PEPD: variants seen among roughly 807,000 people sequenced by gnomAD.
The protein encoded by PEPD is xaa-Pro dipeptidase.
In PEPD, 53 loss-of-function variants were observed where a neutral mutation model predicts 60.7. That is an observed-to-expected ratio of 0.87 (90% CI 0.70 to 1.10). PEPD has a LOEUF of 1.10. Ranked by LOEUF, PEPD falls within the 50% of genes least tolerant of loss-of-function variation. The pLI is 0.00. For missense variants in PEPD, 711 were observed against 711.9 expected (o/e 1.00, Z 0.01); for synonymous variants, 267 against 284.1 (o/e 0.94, Z 0.60).
intron 9 of PEPD, among the ~76,000 whole-genome samples, chr19:33,422,818 A>ATATC (rs201899160): frequency 3.3e-4 from 43 of 131,208 alleles, no homozygotes; most frequent in African/African-American, 8.7e-4. Context: ...CCATCCTTCT[A>ATATC]TATCTATCTA....
At chr19:33,508,463 G>A (rs901779069) in intron 3 of PEPD, among the ~76,000 whole-genome samples, 1 of 152,240 alleles carries the variant, frequency 6.6e-6, no homozygotes, top group Non-Finnish European at 1.5e-5. Flanking sequence ...TTAGTGGAGT[G>A]CAAAACCACC....
chr19:33,499,897 G>A (rs1970677077), intron 4 of PEPD, among the ~76,000 whole-genome samples: 2 of 152,216 alleles, frequency 1.3e-5, no homozygotes, highest in Admixed American at 1.3e-4. Flanking sequence ...GTCTCTCACA[G>A]CACTGTGTCT....
intron 1 of PEPD, among the ~76,000 whole-genome samples, chr19:33,514,051 G>A (rs1970982402): frequency 6.6e-6 from 1 of 151,890 alleles, no homozygotes. Flanking sequence ...GGACAGAGCA[G>A]GTGTCGGTAT....
At chr19:33,483,097 T>C (rs531781195) in intron 6 of PEPD, among the ~76,000 whole-genome samples, 6 of 152,286 alleles carry the variant, frequency 3.9e-5, no homozygotes, top group African/African-American at 1.4e-4. Flanking sequence ...AAAATATCCA[T>C]GGCTCAAAGA....
intron 9 of PEPD, among the ~76,000 whole-genome samples, chr19:33,453,954 T>G (rs563628963): frequency 6.6e-6 from 1 of 152,196 alleles, no homozygotes; most frequent in Non-Finnish European, 1.5e-5. Context: ...AATAAAGTAG[T>G]GTGTACTGGG....
chr19:33,414,586 C>T (rs1600096924), intron 9 of PEPD, among the ~76,000 whole-genome samples: 1 of 138,354 alleles, frequency 7.2e-6, no homozygotes, highest in African/African-American at 2.6e-5. Flanking sequence ...CAGGTGGCCC[C>T]CACCCGCCCA....
At chr19:33,392,611 C>T (rs1050539338) in intron 12 of PEPD, among the ~76,000 whole-genome samples, 5 of 152,226 alleles carry the variant, frequency 3.3e-5, no homozygotes, top group African/African-American at 1.2e-4. Flanking sequence ...GTCCCTGCGG[C>T]ACCTCCTGGA....
At chr19:33,414,535 C>T (rs1015494050) in intron 9 of PEPD, among the ~76,000 whole-genome samples, 28 of 152,174 alleles carry the variant, frequency 1.8e-4, no homozygotes, top group African/African-American at 4.6e-4. Context: ...GCTTTCCTGC[C>T]GGACCACAGC....
chr19:33,388,131 G>A lies in PEPD; in HGVS notation c.1153-50C>T, dbSNP rs373730352. On this transcript the variant is annotated intron_variant, in intron 13 of 14. Transcript: ENST00000244137. ...CTGATGAGCAGCTCCAGGGCTCACC[G>A]TGGCCTCATCAGGAGAGATGGGCAT... 2.3e-4 allele frequency: 331 copies of A among 1,462,538 alleles called. 1 individual carries two copies. Among genetic ancestry groups the A allele is most frequent in the Non-Finnish European group, 2.9e-4 (313 of 1,076,318 alleles). The allele number at this position is 1,462,538 out of a possible 1,614,324, so 90.6% of individuals were successfully genotyped here. A position where few individuals can be genotyped will look rare whatever the true frequency, so the allele number is the denominator to read the frequency against.
chr19:33,388,398 G>C (rs1211890778), intron 13 of PEPD: 4 of 552,878 alleles, frequency 7.2e-6, no homozygotes, highest in Non-Finnish European at 1.3e-5. Flanking sequence ...TGAGGGTTGG[G>C]CTGCCCTTAG....
intron 9 of PEPD, among the ~76,000 whole-genome samples, chr19:33,427,916 C>T (rs1407481686): frequency 2.7e-5 from 4 of 149,780 alleles, no homozygotes; most frequent in African/African-American, 7.4e-5. Context: ...AGCCTGCTCC[C>T]GGAGATCCGT....
At chr19:33,448,305 G>A (rs1160669286) in intron 9 of PEPD, among the ~76,000 whole-genome samples, 1 of 152,162 alleles carries the variant, frequency 6.6e-6, no homozygotes. Context: ...CCAGGACTTG[G>A]AGCCACGCCT....
Position 33,464,225 on chromosome 19 carries a change from T to C in PEPD, c.549-163A>G, listed in dbSNP as rs138251517. Among the ~76,000 whole-genome samples, 16 of 152,326 alleles carry C rather than the reference T, an allele frequency of 1.1e-4. No individual in the cohort carries two copies. In the East Asian group the frequency reaches 2.1e-3, roughly 20 times the overall value. Reference sequence around the variant, plus strand: ...CAAGGCCCAGGAGTGACAAGCTCCATGGAACAGTCTAGAAGAAAACCTCTA... The same window carrying C: ...CAAGGCCCAGGAGTGACAAGCTCCACGGAACAGTCTAGAAGAAAACCTCTA... On this transcript the variant is annotated intron_variant, in intron 7 of 14. Transcript: ENST00000244137.
At chr19:33,393,558 CA>C (rs1194016157) in intron 12 of PEPD, among the ~76,000 whole-genome samples, 13 of 66,000 alleles carry the variant, frequency 2.0e-4, no homozygotes, top group Middle Eastern at 7.9e-3. Flanking sequence ...GCTGGTCAAA[CA>C]AACAAACAGC....
chr19:33,393,232 G>A (rs1163565358), intron 12 of PEPD, among the ~76,000 whole-genome samples: 22 of 35,392 alleles, frequency 6.2e-4, no homozygotes, highest in African/African-American at 3.2e-3. Context: ...AGGCCGTCCC[G>A]GGGTCTGGGG....
Position 33,463,040 on chromosome 19 carries a change from A to G in PEPD, c.626T>C (p.Val209Ala). The change falls in exon 9 of 15, where the codon GTA becomes GCA. Residue 209 changes from valine to alanine, a missense_variant and splice_region_variant. Transcript: ENST00000244137. ...CATTCCCACTTTTACAGCCTTCATT[A>G]CCTGGAGGACGGATATTAAGCAAAG... ...NKISSEAHRE[V>A]MKAVKVGMKE... The G allele has an allele frequency of 6.3e-7, 1 of 1,577,912 alleles. No individual in the cohort carries two copies. Among genetic ancestry groups the G allele is most frequent in the Non-Finnish European group, 8.7e-7 (1 of 1,146,982 alleles).
At chr19:33,396,911 A>G (rs762805353) in intron 12 of PEPD, among the ~76,000 whole-genome samples, 8 of 152,146 alleles carry the variant, frequency 5.3e-5, no homozygotes, top group Non-Finnish European at 1.0e-4. Context: ...GTGCCAATGC[A>G]GACCCTGACT....
At position 33,463,030 on chromosome 19, in the gene PEPD, A is replaced by G. The variant is rs1246485516; in HGVS notation, c.636T>C (p.Ala212=). The change falls in exon 9 of 15, where the codon GCT becomes GCC. Residue 212 remains alanine, a synonymous_variant. Transcript: ENST00000244137. The part of the protein sequence containing the change: ...SSEAHREVMK[A]VKVGMKEYEL... ...CATATTCTTTCATTCCCACTTTTAC[A>G]GCCTTCATTACCTGGAGGACGGATA... 5.0e-6 allele frequency: 8 copies of G among 1,590,024 alleles called. No homozygotes were observed. Among genetic ancestry groups the G allele is most frequent in the Non-Finnish European group, 6.9e-6 (8 of 1,158,172 alleles).
At chr19:33,424,022 G>A (rs1178562466) in intron 9 of PEPD, among the ~76,000 whole-genome samples, 5 of 152,210 alleles carry the variant, frequency 3.3e-5, no homozygotes, top group Admixed American at 6.5e-5. Context: ...CCCCTTGTGC[G>A]CTGGCTTGGA....
Sources: allele counts gnomAD v4.1 joint callset (sites outside exome capture counted in the v4.1 genomes callset), GRCh38; gene constraint gnomAD v4.1.1; transcripts MANE v1.5; gene names NCBI Gene and HGNC (gene_info 2026-07-23, HGNC 2026-07-21).